Variants in PRKCB observed in about 807,000 individuals in gnomAD.
The protein encoded by PRKCB is protein kinase C beta.
PRKCB carries 13 observed loss-of-function variants against 81.5 expected under a neutral mutation model. The ratio of observed to expected loss-of-function variants is 0.16; its 90% confidence interval spans 0.10 to 0.25. The LOEUF (loss-of-function observed/expected upper bound fraction) is 0.25, where lower values mean the gene tolerates loss of function less well. PRKCB is among the 10% of genes least tolerant of loss of function. The pLI is 1.00. For missense variants in PRKCB, 509 were observed against 875.7 expected (o/e 0.58, Z 5.29); for synonymous variants, 335 against 321.4 (o/e 1.04, Z -0.45).
At chr16:23,866,693 G>A (rs1567294864) in intron 2 of PRKCB, among the ~76,000 whole-genome samples, 3 of 152,066 alleles carry the variant, frequency 2.0e-5, no homozygotes, top group South Asian at 4.1e-4. Flanking sequence ...CGTGTTCCTC[G>A]GAAGTATAAT....
chr16:24,119,145 G>A (rs999144499), intron 8 of PRKCB, among the ~76,000 whole-genome samples: 3 of 150,202 alleles, frequency 2.0e-5, no homozygotes, highest in African/African-American at 4.9e-5. Context: ...TTTTTTTCCA[G>A]GGTTATTAGA....
intron 3 of PRKCB, among the ~76,000 whole-genome samples, chr16:23,997,791 A>G (rs143100796): frequency 1.1e-3 from 175 of 152,316 alleles, no homozygotes; most frequent in African/African-American, 4.0e-3. Flanking sequence ...AGTTGTACAA[A>G]GTCTAATTGT....
At chr16:24,146,953 G>A (rs1043826456) in intron 9 of PRKCB, among the ~76,000 whole-genome samples, 1 of 152,022 alleles carries the variant, frequency 6.6e-6, no homozygotes. Context: ...ATTTTTGAAC[G>A]TGGGCATCAC....
chr16:23,900,723 T>G (rs76337199), intron 2 of PRKCB, among the ~76,000 whole-genome samples: 4 of 88,586 alleles, frequency 4.5e-5, no homozygotes, highest in East Asian at 6.6e-4. Flanking sequence ...CACAGGTTTT[T>G]TTTTTTTTTT....
intron 2 of PRKCB, among the ~76,000 whole-genome samples, chr16:23,913,835 G>C (rs759567352): frequency 6.6e-6 from 1 of 152,170 alleles, no homozygotes; most frequent in Non-Finnish European, 1.5e-5. Context: ...AAAGGAATAG[G>C]GAACTTGGCT....
chr16:23,923,531 C>G (rs1007510633), intron 2 of PRKCB, among the ~76,000 whole-genome samples: 6 of 152,016 alleles, frequency 3.9e-5, no homozygotes, highest in African/African-American at 7.2e-5. Context: ...TTATGTGGAC[C>G]AAGAGTGGGA....
At chr16:23,970,648 A>C (rs1195426608) in intron 2 of PRKCB, among the ~76,000 whole-genome samples, 3 of 152,150 alleles carry the variant, frequency 2.0e-5, no homozygotes, top group African/African-American at 4.8e-5. Context: ...AAATCTTTCC[A>C]ATGCTTTATT....
intron 9 of PRKCB, among the ~76,000 whole-genome samples, chr16:24,142,783 G>A (rs904806658): frequency 6.6e-6 from 1 of 152,094 alleles, no homozygotes; most frequent in Admixed American, 6.5e-5. Flanking sequence ...AGGGGGACTG[G>A]GAAGAATCCA....
intron 12 of PRKCB, among the ~76,000 whole-genome samples, chr16:24,175,124 A>G (rs1967507485): frequency 6.6e-6 from 1 of 152,078 alleles, no homozygotes; most frequent in Non-Finnish European, 1.5e-5. Context: ...TTTATATTTC[A>G]TGCAAGGCAG....
intron 2 of PRKCB, among the ~76,000 whole-genome samples, chr16:23,938,872 C>T (rs577596631): frequency 1.5e-4 from 23 of 151,746 alleles, no homozygotes; most frequent in Non-Finnish European, 2.5e-4. Flanking sequence ...CATTGCAATA[C>T]GGCAAAAAAG....
intron 2 of PRKCB, among the ~76,000 whole-genome samples, chr16:23,884,295 C>A (rs1250633735): frequency 5.3e-5 from 8 of 152,178 alleles, no homozygotes; most frequent in Admixed American, 4.6e-4. Context: ...TCAATGTAAG[C>A]AAAAGTCCTG....
In PRKCB at chr16:23,944,546, A is replaced by G. The variant is rs185972496; in HGVS notation, c.206-43962A>G. Among the ~76,000 whole-genome samples, 22 of 152,280 alleles carry G rather than the reference A, an allele frequency of 1.4e-4. 1 individual carries two copies. Among genetic ancestry groups the G allele is most frequent in the Non-Finnish European group, 2.2e-4 (15 of 68,024 alleles). Reference sequence around the variant, plus strand: ...ATGGCCCAAGAATCTAACTCTACTTATGGGGATGATGATCTCACATGATCT... The same window carrying G: ...ATGGCCCAAGAATCTAACTCTACTTGTGGGGATGATGATCTCACATGATCT... On this transcript the variant is annotated intron_variant, in intron 2 of 16. Coordinates refer to ENST00000643927, the MANE Select transcript of PRKCB (RefSeq NM_002738.7).
intron 16 of PRKCB, 78 bp downstream of exon 16, chr16:24,191,308 C>G: frequency 6.5e-7 from 1 of 1,541,964 alleles, no homozygotes. Flanking sequence ...TTTCCAAATG[C>G]TCCCTGAGGG....
Position 24,154,665 on chromosome 16 carries a change from T to C in PRKCB, c.1066-19T>C. On this transcript the variant is annotated intron_variant, in intron 9 of 16. Coordinates refer to ENST00000643927, the MANE Select transcript of PRKCB (RefSeq NM_002738.7). ...CAGACTCCTTCCAACTGCCCTGACA[T>C]GCTTGCTCTCTTTCCCAGGTCATGC... The C allele has an allele frequency of 6.2e-7, 1 of 1,613,586 alleles. No homozygotes were observed.
At chr16:24,112,950 C>A (rs756332028) in intron 7 of PRKCB, 23 bp from the exon 8 acceptor site, 10 of 1,530,876 alleles carry the variant, frequency 6.5e-6, no homozygotes. Flanking sequence ...TGAAATGTGT[C>A]CCACCCCCTT....
chr16:24,175,774 C>T (rs948017562), intron 12 of PRKCB, among the ~76,000 whole-genome samples: 1 of 151,554 alleles, frequency 6.6e-6, no homozygotes, highest in Admixed American at 6.6e-5. Flanking sequence ...GAGCTCCAGA[C>T]CAGCCTAAGC....
At chr16:23,954,211 A>G (rs898259305) in intron 2 of PRKCB, among the ~76,000 whole-genome samples, 1 of 152,038 alleles carries the variant, frequency 6.6e-6, no homozygotes, top group African/African-American at 2.4e-5. Flanking sequence ...GGCCTCTCAA[A>G]GTGCTGGGAT....
intron 3 of PRKCB, among the ~76,000 whole-genome samples, chr16:24,026,595 T>G (rs1435294389): frequency 6.6e-6 from 1 of 152,238 alleles, no homozygotes; most frequent in East Asian, 1.9e-4. Flanking sequence ...TAGGCAGGAC[T>G]AAGGAAATTC....
chr16:24,124,852 C>T (rs550157950), intron 9 of PRKCB, among the ~76,000 whole-genome samples: 1 of 152,254 alleles, frequency 6.6e-6, no homozygotes, highest in East Asian at 1.9e-4. Flanking sequence ...CCCACTGTTC[C>T]TGGCCACCGC....
Sources: allele counts gnomAD v4.1 joint callset (sites outside exome capture counted in the v4.1 genomes callset), GRCh38; gene constraint gnomAD v4.1.1; transcripts MANE v1.5; gene names NCBI Gene and HGNC (gene_info 2026-07-23, HGNC 2026-07-21).